Variants in P2RY2 observed in about 807,000 individuals in gnomAD.
The protein encoded by P2RY2 is purinergic receptor P2Y2, also known as P2Y purinoceptor 2.
For synonymous variants in P2RY2, 241 were observed against 231.9 expected (o/e 1.04, Z -0.35); for missense variants, 567 against 515.7 (o/e 1.10, Z -0.96).
In P2RY2 at chr11:73,238,379, G is replaced by T. The variant is rs762117584; in HGVS notation, c.*3086G>T. On this transcript the variant is annotated 3_prime_UTR_variant, in exon 3 of 3. Coordinates refer to ENST00000393597, the MANE Select transcript of P2RY2 (RefSeq NM_002564.4). ...CACACAGGGGTCTCTGCCCTGGGTGGCAGGTGTCCCAGGGTCCAGGAGGGA... is the reference window on the plus strand; with the variant it reads ...CACACAGGGGTCTCTGCCCTGGGTGTCAGGTGTCCCAGGGTCCAGGAGGGA... Among the ~76,000 whole-genome samples, 7 of 152,170 alleles carry T rather than the reference G, an allele frequency of 4.6e-5. No individual in the cohort carries two copies. Among genetic ancestry groups the T allele is most frequent in the Non-Finnish European group, 1.0e-4 (7 of 68,012 alleles).
Position 73,228,186 on chromosome 11 carries a change from T to A in P2RY2, c.-5+11T>A, listed in dbSNP as rs114492688. The A allele has an allele frequency of 7.3e-5, 1 of 13,706 alleles. No individual in the cohort carries two copies. The highest frequency in any genetic ancestry group is 2.7e-4 in the African/African-American group (1 of 3,692). The allele number at this position is 13,706 out of a possible 1,614,324, so 0.8% of individuals were successfully genotyped here. The stretch of plus-strand genomic sequence containing the variant: ...GCAGGGGCTGGTCAGGTACGTGGGG[T>A]GGGGGTGGGGGGGAGCGGGTACGCT... On this transcript the variant is annotated intron_variant, in intron 2 of 2. Transcript: ENST00000393597.
In P2RY2 at chr11:73,239,601, T is replaced by C. The variant is rs191550359; in HGVS notation, c.*4308T>C. 6.6e-6 allele frequency: 1 copy of C among 152,426 alleles called. No individual in the cohort carries two copies. Among genetic ancestry groups the C allele is most frequent in the Admixed American group, 6.5e-5 (1 of 15,304 alleles). 9.4% of individuals were successfully genotyped at this position (152,426 alleles called of 1,614,324 possible). On this transcript the variant is annotated 3_prime_UTR_variant, in exon 3 of 3. Coordinates refer to ENST00000393597, the MANE Select transcript of P2RY2 (RefSeq NM_002564.4). ...GTCCACAGATCTAGGAGCAGAGGAC[T>C]GGTCTGGAGCTGGGCAAGGGCAGGC... is the stretch of plus-strand genomic sequence containing the variant.
chr11:73,228,381 C>T (rs1007637473), intron 2 of P2RY2, among the ~76,000 whole-genome samples: 3 of 152,334 alleles, frequency 2.0e-5, no homozygotes, highest in Admixed American at 2.0e-4. Context: ...TTTTCCAATG[C>T]CCGGCAGTGT....
Position 73,237,294 on chromosome 11 carries a change from G to A in P2RY2, c.*2001G>A. 2 of 197,216 alleles carry A rather than the reference G, an allele frequency of 1.0e-5. No homozygotes were observed. The highest frequency in any genetic ancestry group is 1.8e-5 in the Non-Finnish European group (2 of 109,252). The allele number at this position is 197,216 out of a possible 1,614,324, so 12.2% of individuals were successfully genotyped here. Reference sequence around the variant, plus strand: ...GAAGTCTTGTTCTGTCACCCAGGCTGGAAGTGCAGTGCTGCGGTCTTGGCT... The same window carrying A: ...GAAGTCTTGTTCTGTCACCCAGGCTAGAAGTGCAGTGCTGCGGTCTTGGCT... On this transcript the variant is annotated 3_prime_UTR_variant, in exon 3 of 3. Coordinates refer to ENST00000393597, the MANE Select transcript of P2RY2 (RefSeq NM_002564.4).
intron 1 of P2RY2, among the ~76,000 whole-genome samples, chr11:73,219,683 C>T (rs2135626783): frequency 6.6e-6 from 1 of 152,354 alleles, no homozygotes; most frequent in South Asian, 2.1e-4. Flanking sequence ...CTGGGGCCTG[C>T]CAGCCTTTCC....
chr11:73,224,881 TCTAA>T (rs1862232643), intron 1 of P2RY2, among the ~76,000 whole-genome samples: 1 of 152,154 alleles, frequency 6.6e-6, no homozygotes, highest in Admixed American at 6.5e-5. Flanking sequence ...GCCTAAATCA[TCTAA>T]CTAGCTCAAC....
chr11:73,236,972 G>A lies in P2RY2; in HGVS notation c.*1679G>A. The A allele has an allele frequency of 1.0e-6, 1 of 985,226 alleles. No individual in the cohort carries two copies. Among genetic ancestry groups the A allele is most frequent in the Non-Finnish European group, 1.2e-6 (1 of 829,844 alleles). 61.0% of individuals were successfully genotyped at this position (985,226 alleles called of 1,614,324 possible). A position where few individuals can be genotyped will look rare whatever the true frequency, so the allele number is the denominator to read the frequency against. On this transcript the variant is annotated 3_prime_UTR_variant, in exon 3 of 3. Coordinates refer to ENST00000393597, the MANE Select transcript of P2RY2 (RefSeq NM_002564.4). The stretch of plus-strand genomic sequence containing the variant: ...GACAGGGACTCCCTCCTCTCCCTCT[G>A]GGAGAGCCCTCGCCCTGTGGCCCAC...
rs1452672064 is a variant in P2RY2, at chr11:73,237,114, C to G, written c.*1821C>G. ...CCACAGCGCCCTCATGTGACAGAGA[C>G]CCATCACAGACCATGACCCAAATGA... is the stretch of plus-strand genomic sequence containing the variant. On this transcript the variant is annotated 3_prime_UTR_variant, in exon 3 of 3. Transcript: ENST00000393597. 1 of 985,234 alleles carries G rather than the reference C, an allele frequency of 1.0e-6. No homozygotes were observed. Among genetic ancestry groups the G allele is most frequent in the Non-Finnish European group, 1.2e-6 (1 of 829,886 alleles). 61.0% of individuals were successfully genotyped at this position (985,234 alleles called of 1,614,324 possible).
intron 1 of P2RY2, among the ~76,000 whole-genome samples, chr11:73,221,403 C>G (rs1221078783): frequency 1.3e-5 from 2 of 152,194 alleles, no homozygotes; most frequent in African/African-American, 2.4e-5. Flanking sequence ...TTAGCCCTCC[C>G]CATCTGAGAC....
intron 2 of P2RY2, 38 bp downstream of exon 2, chr11:73,228,213 G>T: frequency 6.7e-6 from 1 of 149,284 alleles, no homozygotes; most frequent in African/African-American, 2.5e-5. Flanking sequence ...GGGTACGCTG[G>T]CCGGGAGGTG....
chr11:73,230,037 G>A (rs1199842065), intron 2 of P2RY2, among the ~76,000 whole-genome samples: 3 of 152,044 alleles, frequency 2.0e-5, no homozygotes, highest in East Asian at 1.9e-4. Context: ...AGCTAGACTC[G>A]AACCTCGGCT....
rs927389866 is a variant in P2RY2, at chr11:73,238,044, C to T, written c.*2751C>T. Among the ~76,000 whole-genome samples the T allele has an allele frequency of 6.6e-6, 1 of 152,180 alleles. No individual in the cohort carries two copies. The highest frequency in any genetic ancestry group is 1.9e-4 in the East Asian group (1 of 5,196). On this transcript the variant is annotated 3_prime_UTR_variant, in exon 3 of 3. Coordinates refer to ENST00000393597, the MANE Select transcript of P2RY2 (RefSeq NM_002564.4). ...AGTTGCCCATCCACTGAGCAGACCC[C>T]AGGGATTATCCAGCCCAGCTGCAGA...
chr11:73,238,399 G>A lies in P2RY2; in HGVS notation c.*3106G>A, dbSNP rs1862703637. ...GGGTGGCAGGTGTCCCAGGGTCCAG[G>A]AGGGATGGAGGAACCCCAGGGTACA... On this transcript the variant is annotated 3_prime_UTR_variant, in exon 3 of 3. Transcript: ENST00000393597. Among the ~76,000 whole-genome samples the A allele has an allele frequency of 6.6e-6, 1 of 152,184 alleles. No homozygotes were observed. The highest frequency in any genetic ancestry group is 2.4e-5 in the African/African-American group (1 of 41,432).
intron 2 of P2RY2, among the ~76,000 whole-genome samples, 166 bp downstream of exon 2, chr11:73,228,341 A>G (rs2135637878): frequency 6.6e-6 from 1 of 152,376 alleles, no homozygotes; most frequent in Non-Finnish European, 1.5e-5. Context: ...CAGGCTTTGA[A>G]GCCAGATAGC....
rs1460713569 is a variant in P2RY2, at chr11:73,235,038, G to A, written c.879G>A (p.Pro293=). 1.2e-6 allele frequency: 2 copies of A among 1,607,982 alleles called. No individual in the cohort carries two copies. Among genetic ancestry groups the A allele is most frequent in the Non-Finnish European group, 1.7e-6 (2 of 1,179,952 alleles). ...ACATGGCCTACAAGGTTACCCGGCC[G>A]CTGGCCAGTGCTAACAGTTGCCTTG... ...AINMAYKVTR[P]LASANSCLDP... The change falls in exon 3 of 3, where the codon CCG becomes CCA. Residue 293 remains proline, a synonymous_variant. Coordinates refer to ENST00000393597, the MANE Select transcript of P2RY2 (RefSeq NM_002564.4).
In P2RY2 at chr11:73,234,212, G is replaced by T. The variant is rs778012503; in HGVS notation, c.53G>T (p.Gly18Val). 6.2e-7 allele frequency: 1 copy of T among 1,614,114 alleles called. No homozygotes were observed. The highest frequency in any genetic ancestry group is 8.5e-7 in the Non-Finnish European group (1 of 1,179,986). Reference protein sequence around the residue: ...WNDTINGTWDGDELGYRCRFN... With the variant: ...WNDTINGTWDVDELGYRCRFN... Reference sequence around the variant, plus strand: ...GACACCATCAATGGCACCTGGGATGGGGATGAGCTGGGCTACAGGTGCCGC... The same window carrying T: ...GACACCATCAATGGCACCTGGGATGTGGATGAGCTGGGCTACAGGTGCCGC... Residue 18 changes from glycine to valine, a missense_variant, in exon 3 of 3, where the codon GGG (glycine) becomes GTG (valine). Coordinates refer to ENST00000393597, the MANE Select transcript of P2RY2 (RefSeq NM_002564.4).
rs573732739 is a variant in P2RY2, at chr11:73,234,408, G to A, written c.249G>A (p.Ala83=). ...TGGCTGTGTCTGATGCACTGTATGC[G>A]GCCTCCCTGCCGCTGCTGGTCTATT... is the stretch of plus-strand genomic sequence containing the variant. The part of the protein sequence containing the change: ...FHLAVSDALY[A]ASLPLLVYYY... Residue 83 remains alanine, a synonymous_variant, in exon 3 of 3, where the codon GCG becomes GCA. Transcript: ENST00000393597. 3 of 1,614,170 alleles carry A rather than the reference G, an allele frequency of 1.9e-6. No individual in the cohort carries two copies. The highest frequency in any genetic ancestry group is 2.2e-5 in the East Asian group (1 of 44,882).
At position 73,238,460 on chromosome 11, in the gene P2RY2, T is replaced by A. The variant is rs1169322160; in HGVS notation, c.*3167T>A. 2.0e-5 allele frequency among the ~76,000 whole-genome samples: 3 copies of A among 152,172 alleles called. No individual in the cohort carries two copies. In the East Asian group the frequency reaches 5.8e-4, roughly 29 times the overall value. ...CACCCCCTGAGGTTAGAAGAGGCCC[T>A]AAGCAACATGTTATCCACACATGGT... On this transcript the variant is annotated 3_prime_UTR_variant, in exon 3 of 3. Transcript: ENST00000393597.
At chr11:73,223,594 G>T (rs1471718684) in intron 1 of P2RY2, among the ~76,000 whole-genome samples, 1 of 152,216 alleles carries the variant, frequency 6.6e-6, no homozygotes, top group Admixed American at 6.5e-5. Context: ...AGAACCCGAG[G>T]CTCTGAGAAG....
Sources: gnomAD v4.1 joint callset for allele counts (sites outside exome capture counted in the v4.1 genomes callset) on GRCh38, gnomAD v4.1.1 for gene constraint, MANE v1.5 for transcripts, NCBI Gene and HGNC (gene_info 2026-07-23, HGNC 2026-07-21) for gene names.